Variants in CDH20 observed in about 807,000 individuals in gnomAD.
CDH20 encodes cadherin-20.
A neutral mutation model predicts 74.2 loss-of-function variants in CDH20; 29 were observed. The ratio of observed to expected loss-of-function variants is 0.39; its 90% CI spans 0.29 to 0.53. The LOEUF is 0.53. Among genes scored for constraint, CDH20 ranks in the 20% least tolerant of loss-of-function variants. The probability of loss-of-function intolerance (pLI) is 0.69; values close to 1 mark genes in which losing one functional copy is unlikely to be tolerated. For synonymous variants in CDH20, 469 were observed against 405.4 expected (o/e 1.16, Z -1.88); for missense variants, 988 against 1,048.3 (o/e 0.94, Z 0.79).
chr18:61,530,088 G>GTGC (rs1226704550), intron 7 of CDH20, among the ~76,000 whole-genome samples: 1 of 152,144 alleles, frequency 6.6e-6, no homozygotes, highest in African/African-American at 2.4e-5. Flanking sequence ...CAGGCACAGG[G>GTGC]GGCAACGTGA....
At chr18:61,399,548 C>A (rs1912091535) in intron 1 of CDH20, among the ~76,000 whole-genome samples, 1 of 152,194 alleles carries the variant, frequency 6.6e-6, no homozygotes, top group Admixed American at 6.5e-5. Context: ...ATCACCCTAT[C>A]ATTTCCCCAC....
chr18:61,422,621 C>T (rs1912921099), intron 1 of CDH20, among the ~76,000 whole-genome samples: 1 of 151,964 alleles, frequency 6.6e-6, no homozygotes, highest in South Asian at 2.1e-4. Context: ...AGTATTTTTA[C>T]TCAGCATGGG....
At chr18:61,383,854 A>G (rs1911513796) in intron 1 of CDH20, among the ~76,000 whole-genome samples, 1 of 152,110 alleles carries the variant, frequency 6.6e-6, no homozygotes, top group Non-Finnish European at 1.5e-5. Context: ...CCTCAGTGGA[A>G]GTTTCTAGGA....
intron 1 of CDH20, among the ~76,000 whole-genome samples, chr18:61,351,211 G>C (rs1028151873): frequency 6.6e-6 from 1 of 152,062 alleles, no homozygotes; most frequent in Non-Finnish European, 1.5e-5. Context: ...ACTGTCTACC[G>C]AGTAAGACCA....
intron 1 of CDH20, among the ~76,000 whole-genome samples, chr18:61,394,735 C>G (rs1195448288): frequency 6.6e-6 from 1 of 152,086 alleles, no homozygotes; most frequent in Non-Finnish European, 1.5e-5. Context: ...GGTACAGCAA[C>G]GAACTCCTCA....
rs1014219304 is a variant in CDH20, at chr18:61,462,728, G to A, written c.-152-27674G>A. ...GAATATCTTACAAAAAAAAAAAGGG[G>A]GGGGGGGCATCTAGGGCATGTCAAT... On this transcript the variant is annotated intron_variant, in intron 1 of 11. Coordinates refer to ENST00000262717, the MANE Select transcript of CDH20 (RefSeq NM_031891.4). Among the ~76,000 whole-genome samples, 6 of 145,086 alleles carry A rather than the reference G, an allele frequency of 4.1e-5. 1 individual carries two copies. Among genetic ancestry groups the A allele is most frequent in the African/African-American group, 1.0e-4 (4 of 39,740 alleles).
Position 61,343,081 on chromosome 18 carries a change from G to A in CDH20, c.-153+9254G>A, listed in dbSNP as rs577589388. 2.6e-5 allele frequency among the ~76,000 whole-genome samples: 4 copies of A among 152,260 alleles called. No individual in the cohort carries two copies. In the East Asian group the frequency reaches 7.8e-4, roughly 30 times the overall value. ...CTATTAGACTCCAAGCTCCTTGAGG[G>A]TAAGGACAGGAACTCTCTTGTTCAT... On this transcript the variant is annotated intron_variant, in intron 1 of 11. Coordinates refer to ENST00000262717, the MANE Select transcript of CDH20 (RefSeq NM_031891.4).
At chr18:61,492,984 C>T (rs1911013955) in intron 2 of CDH20, among the ~76,000 whole-genome samples, 1 of 152,116 alleles carries the variant, frequency 6.6e-6, no homozygotes, top group Admixed American at 6.5e-5. Context: ...GTACTTAATC[C>T]AGAGTAAAAC....
intron 1 of CDH20, among the ~76,000 whole-genome samples, chr18:61,452,455 TTG>T: frequency 6.6e-6 from 1 of 152,278 alleles, no homozygotes; most frequent in Non-Finnish European, 1.5e-5. Flanking sequence ...TAGAAATTGA[TTG>T]TGTTTATTTT....
At chr18:61,414,745 G>A (rs1021868165) in intron 1 of CDH20, among the ~76,000 whole-genome samples, 5 of 151,998 alleles carry the variant, frequency 3.3e-5, no homozygotes, top group Admixed American at 3.3e-4. Context: ...GTACATGATT[G>A]TCAGAGAAGA....
chr18:61,449,598 G>A (rs1214191522), intron 1 of CDH20, among the ~76,000 whole-genome samples: 1 of 152,036 alleles, frequency 6.6e-6, no homozygotes, highest in Non-Finnish European at 1.5e-5. Flanking sequence ...TAGCATAGTT[G>A]TATGGCTTCC....
At chr18:61,537,470 C>T (rs1912852695) in intron 8 of CDH20, among the ~76,000 whole-genome samples, 1 of 152,098 alleles carries the variant, frequency 6.6e-6, no homozygotes, top group Non-Finnish European at 1.5e-5. Context: ...TATGGTACAA[C>T]CTATAGTAAA....
In CDH20 at chr18:61,494,352, A is replaced by G. The variant is rs532978991; in HGVS notation, c.246+3553A>G. Among the ~76,000 whole-genome samples the G allele has an allele frequency of 2.0e-5, 3 of 152,140 alleles. No individual in the cohort carries two copies. In the South Asian group the frequency reaches 6.2e-4, roughly 32 times the overall value. The stretch of plus-strand genomic sequence containing the variant: ...GCTGGGTAGTTCTTAGCTGTGTAGC[A>G]CCCTTGCATACTCACAATTAGTGCT... On this transcript the variant is annotated intron_variant, in intron 2 of 11. Transcript: ENST00000262717.
chr18:61,438,192 T>C (rs1220493315), intron 1 of CDH20, among the ~76,000 whole-genome samples: 3 of 152,138 alleles, frequency 2.0e-5, no homozygotes, highest in Non-Finnish European at 2.9e-5. Flanking sequence ...TATTCTTTGT[T>C]GCTTTTCTGC....
intron 1 of CDH20, among the ~76,000 whole-genome samples, chr18:61,457,743 G>A (rs1568147059): frequency 2.0e-5 from 3 of 151,946 alleles, no homozygotes; most frequent in South Asian, 2.1e-4. Context: ...CGTAAAATAC[G>A]TGGCAAGATC....
chr18:61,526,379 C>T (rs1016364931), intron 6 of CDH20, among the ~76,000 whole-genome samples: 2 of 151,778 alleles, frequency 1.3e-5, no homozygotes, highest in African/African-American at 4.8e-5. Flanking sequence ...ATATTTTTTT[C>T]TGAAAAGCCA....
chr18:61,552,252 CACGAAGAA>C (rs1913462901), intron 11 of CDH20, among the ~76,000 whole-genome samples: 1 of 151,658 alleles, frequency 6.6e-6, no homozygotes, highest in African/African-American at 2.4e-5. Context: ...GCCTATAGTA[CACGAAGAA>C]TAAACCATCC....
intron 6 of CDH20, among the ~76,000 whole-genome samples, chr18:61,514,823 G>A (rs1375082631): frequency 6.6e-6 from 1 of 152,236 alleles, no homozygotes; most frequent in South Asian, 2.1e-4. Flanking sequence ...GGGGTCAGGG[G>A]TCAGGGACCC....
intron 1 of CDH20, among the ~76,000 whole-genome samples, chr18:61,428,524 G>C (rs1323474056): frequency 6.6e-6 from 1 of 152,164 alleles, no homozygotes; most frequent in Non-Finnish European, 1.5e-5. Flanking sequence ...GGGTCTTGCT[G>C]TTGGGTCAAG....
Sources: gnomAD v4.1 joint callset for allele counts (sites outside exome capture counted in the v4.1 genomes callset) on GRCh38, gnomAD v4.1.1 for gene constraint, MANE v1.5 for transcripts, NCBI Gene and HGNC (gene_info 2026-07-23, HGNC 2026-07-21) for gene names.